Variants in ROR2 observed in about 807,000 individuals in gnomAD.
ROR2 encodes the protein tyrosine-protein kinase transmembrane receptor ROR2.
A neutral mutation model predicts 74.9 loss-of-function variants in ROR2; 33 were observed. That is an observed-to-expected ratio of 0.44 (90% CI 0.33 to 0.59). ROR2 has a LOEUF of 0.59. ROR2 is among the 20% of genes least tolerant of loss of function. The pLI is 0.02. For missense variants in ROR2, 1,216 were observed against 1,313.8 expected, an observed-to-expected ratio of 0.93 and a Z score of 1.15; for synonymous variants, 586 against 558.7, an observed-to-expected ratio of 1.05 and a Z score of -0.69.
In ROR2 at chr9:91,728,403, TTTTA is replaced by T. The variant is rs1232736540; in HGVS notation, c.1184-1664_1184-1661del. The stretch of plus-strand genomic sequence containing the variant: ...TAATTCGAATGTTGAATGAACTTTA[TTTTA>T]TTTATTTTTGAGACAGAGTGTTTGT... On this transcript the variant is annotated intron_variant, in intron 7 of 8. Transcript: ENST00000375708. Among the ~76,000 whole-genome samples, 7 of 149,354 alleles carry T rather than the reference TTTTA, an allele frequency of 4.7e-5. No individual in the cohort carries two copies. In the East Asian group the frequency reaches 1.2e-3, roughly 25 times the overall value.
chr9:91,838,461 C>A (rs928885665), intron 1 of ROR2, among the ~76,000 whole-genome samples: 1 of 152,208 alleles, frequency 6.6e-6, no homozygotes, highest in Non-Finnish European at 1.5e-5. Flanking sequence ...CTGGTCACAG[C>A]CGCTATCTTT....
chr9:91,928,259 C>T (rs1831461783), intron 1 of ROR2, among the ~76,000 whole-genome samples: 1 of 152,174 alleles, frequency 6.6e-6, no homozygotes, highest in African/African-American at 2.4e-5. Flanking sequence ...TGGAACCGTC[C>T]CCCACTGCCT....
chr9:91,781,903 C>T (rs527936450), intron 1 of ROR2, among the ~76,000 whole-genome samples: 32 of 152,356 alleles, frequency 2.1e-4, no homozygotes, highest in African/African-American at 7.5e-4. Flanking sequence ...CAACTCCCTT[C>T]AATATTGCCT....
chr9:91,936,441 A>C (rs1185315864), intron 1 of ROR2, among the ~76,000 whole-genome samples: 2 of 152,182 alleles, frequency 1.3e-5, no homozygotes, highest in African/African-American at 4.8e-5. Flanking sequence ...GCCTGTGGCC[A>C]AACTGACCCT....
At chr9:91,845,249 C>T (rs1193434476) in intron 1 of ROR2, among the ~76,000 whole-genome samples, 1 of 152,094 alleles carries the variant, frequency 6.6e-6, no homozygotes, top group African/African-American at 2.4e-5. Context: ...GGGTGAGAGC[C>T]TGTCCTGGGG....
At chr9:91,835,250 G>A (rs1828575978) in intron 1 of ROR2, among the ~76,000 whole-genome samples, 1 of 152,182 alleles carries the variant, frequency 6.6e-6, no homozygotes, top group Non-Finnish European at 1.5e-5. Context: ...AAGCAAAGAT[G>A]TGCCTCATGA....
At chr9:91,909,937 C>CTAGT (rs1031245050) in intron 1 of ROR2, among the ~76,000 whole-genome samples, 2 of 137,368 alleles carry the variant, frequency 1.5e-5, no homozygotes, top group African/African-American at 5.3e-5. Flanking sequence ...ATCCAGCTCA[C>CTAGT]TATAACCTCC....
intron 1 of ROR2, chr9:91,948,854 C>A: frequency 1.0e-6 from 1 of 985,472 alleles, no homozygotes; most frequent in Non-Finnish European, 1.2e-6. Flanking sequence ...CTCCTCCACC[C>A]CCGCAGGGTG....
chr9:91,895,218 A>T (rs1459563098), intron 1 of ROR2, among the ~76,000 whole-genome samples: 2 of 152,226 alleles, frequency 1.3e-5, no homozygotes, highest in African/African-American at 4.8e-5. Flanking sequence ...GAAAAGGTAA[A>T]ACTATGGAGT....
rs115825868 is a variant in ROR2 at position 91,751,804 on chromosome 9, C to T, written c.494+4267G>A. Among the ~76,000 whole-genome samples the T allele has an allele frequency of 6.7e-3, 1,016 of 152,228 alleles. 11 individuals carry two copies. Among genetic ancestry groups the T allele is most frequent in the African/African-American group, 0.022 (930 of 41,534 alleles). The stretch of plus-strand genomic sequence containing the variant: ...ATTCACAAAAATGGACCGTATCTAA[C>T]TGGTTACAAAGAAAAATCTCAATAA... On this transcript the variant is annotated intron_variant, in intron 4 of 8. Coordinates refer to ENST00000375708, the MANE Select transcript of ROR2 (RefSeq NM_004560.4).
chr9:91,925,466 A>G (rs57980458), intron 1 of ROR2, among the ~76,000 whole-genome samples: 15,151 of 144,794 alleles, frequency 0.1, 1,597 homozygotes, highest in African/African-American at 0.27. Context: ...AGCTGCCTGT[A>G]TGTGTGTGTG....
chr9:91,807,144 C>T (rs938712037), intron 1 of ROR2, among the ~76,000 whole-genome samples: 2 of 152,194 alleles, frequency 1.3e-5, no homozygotes, highest in East Asian at 1.9e-4. Flanking sequence ...TTTGAACAGA[C>T]GGTCCTTGCT....
At chr9:91,748,958 G>T (rs576967710) in intron 4 of ROR2, among the ~76,000 whole-genome samples, 1 of 152,156 alleles carries the variant, frequency 6.6e-6, no homozygotes, top group Non-Finnish European at 1.5e-5. Context: ...CCTGGGAGGC[G>T]GAGGCTGCAG....
intron 1 of ROR2, among the ~76,000 whole-genome samples, chr9:91,827,850 G>C (rs1446146236): frequency 6.6e-6 from 1 of 152,222 alleles, no homozygotes; most frequent in Non-Finnish European, 1.5e-5. Flanking sequence ...GTTTTCTTCT[G>C]AAGAAATGTA....
At chr9:91,801,486 C>A (rs1042377710) in intron 1 of ROR2, among the ~76,000 whole-genome samples, 1 of 152,176 alleles carries the variant, frequency 6.6e-6, no homozygotes, top group African/African-American at 2.4e-5. Context: ...GCGCCCGCCA[C>A]CACACCCAGC....
chr9:91,733,253 G>C lies in ROR2; in HGVS notation c.806C>G (p.Thr269Ser). 1 of 1,612,878 alleles carries C rather than the reference G, an allele frequency of 6.2e-7. No homozygotes were observed. The highest frequency in any genetic ancestry group is 8.5e-7 in the Non-Finnish European group (1 of 1,179,748). Residue 269 changes from threonine to serine, a missense_variant, in exon 6 of 9, where the codon ACC becomes AGC. Thr to Ser is a moderately conservative substitution (Grantham distance 58). Transcript: ENST00000375708. The surrounding 1 kb of genome is among the most constrained non-coding windows in gnomAD (Gnocchi z 5.7). Reference protein sequence around the residue: ...LESDLCRQEYTIARSNPLILM... With the variant: ...LESDLCRQEYSIARSNPLILM... ...GATGAGCGGGTTGGAGCGGGCGATG[G>C]TGTACTCCTGGCGGCACAGGTCGCT...
intron 2 of ROR2, among the ~76,000 whole-genome samples, chr9:91,768,748 G>A (rs552087774): frequency 6.6e-6 from 1 of 152,302 alleles, no homozygotes; most frequent in South Asian, 2.1e-4. Flanking sequence ...AGTCCAGACA[G>A]TCTCAGGTGC....
intron 1 of ROR2, among the ~76,000 whole-genome samples, chr9:91,935,409 C>T (rs1281917195): frequency 6.6e-6 from 1 of 152,230 alleles, no homozygotes; most frequent in Admixed American, 6.5e-5. Context: ...GACACACCCT[C>T]CCAGGGCGAG....
intron 2 of ROR2, among the ~76,000 whole-genome samples, chr9:91,770,278 T>C (rs1826186031): frequency 6.6e-6 from 1 of 152,222 alleles, no homozygotes; most frequent in Non-Finnish European, 1.5e-5. Flanking sequence ...AATCTTTATG[T>C]TCTCAAGATG....
Sources: allele counts gnomAD v4.1 joint callset (sites outside exome capture counted in the v4.1 genomes callset), GRCh38; gene constraint gnomAD v4.1.1; non-coding constraint Gnocchi (gnomAD v3.1); transcripts MANE v1.5; gene names NCBI Gene and HGNC (gene_info 2026-07-23, HGNC 2026-07-21).